The following CLCA4 variants were observed in gnomAD, a reference collection of about 807,000 sequenced individuals.
CLCA4 encodes calcium-activated chloride channel regulator 4.
In CLCA4, 69 loss-of-function variants were observed where a neutral mutation model predicts 78.9. The ratio of observed to expected loss-of-function variants is 0.87; its 90% confidence interval spans 0.72 to 1.07. CLCA4 has a LOEUF of 1.07. CLCA4 is among the 50% of genes least tolerant of loss of function. The probability of loss-of-function intolerance (pLI) is 0.00; values close to 1 mark genes in which losing one functional copy is unlikely to be tolerated. For synonymous variants in CLCA4, 362 were observed against 375.8 expected (o/e 0.96, Z 0.42); for missense variants, 1,133 against 1,095.8 (o/e 1.03, Z -0.48).
intron 5 of CLCA4, 113 bp from the exon 6 acceptor site, chr1:86,565,689 T>C: frequency 1.5e-6 from 1 of 678,508 alleles, no homozygotes; most frequent in Non-Finnish European, 2.3e-6. Flanking sequence ...GTAAATGATA[T>C]TTCATTCAAC....
intron 8 of CLCA4, 88 bp from the exon 9 acceptor site, chr1:86,572,526 A>AT: frequency 1.3e-6 from 1 of 771,514 alleles, no homozygotes; most frequent in East Asian, 2.6e-5. Context: ...TGAAACTATG[A>AT]TTTTGTTTTA....
chr1:86,569,805 C>T (rs944602410), intron 7 of CLCA4, among the ~76,000 whole-genome samples: 26 of 151,958 alleles, frequency 1.7e-4, no homozygotes, highest in South Asian at 6.2e-4. Context: ...AAAATTGAAC[C>T]CAATTATTTA....
chr1:86,579,913 C>G (rs1326237700), intron 13 of CLCA4, 29 bp from the exon 14 acceptor site: 15 of 1,437,992 alleles, frequency 1.0e-5, no homozygotes, highest in South Asian at 1.3e-5. Context: ...GCTGCAGTCT[C>G]TAAACTACAT....
chr1:86,550,083 C>T lies in CLCA4; in HGVS notation c.159+2805C>T, dbSNP rs1230695738. Among the ~76,000 whole-genome samples the T allele has an allele frequency of 3.3e-5, 5 of 152,294 alleles. No homozygotes were observed. In the South Asian group the frequency reaches 8.3e-4, roughly 25 times the overall value. On this transcript the variant is annotated intron_variant, in intron 1 of 13. Coordinates refer to ENST00000370563, the MANE Select transcript of CLCA4 (RefSeq NM_012128.4). ...TTCTTTATATTTAATTTCTCCACTA[C>T]TGTGTTCTGCTGCTTATGGTTGGAC...
rs1256628866 is a variant in CLCA4, at chr1:86,560,018, G to T, written c.246G>T (p.Glu82Asp). 9 of 1,608,634 alleles carry T rather than the reference G, an allele frequency of 5.6e-6. No homozygotes were observed. The South Asian group carries it at 8.9e-5, about 16-fold the overall frequency. Residue 82 changes from glutamate to aspartate, a missense_variant, in exon 2 of 14, where the codon GAG becomes GAT. Coordinates refer to ENST00000370563, the MANE Select transcript of CLCA4 (RefSeq NM_012128.4). ...FFKNVSILIP[E>D]NWKENPQYKR... ...AAAATGTATCTATATTAATTCCTGAGAATTGGAAGGAAAATCCTCAGTACA... is the reference window on the plus strand; with the variant it reads ...AAAATGTATCTATATTAATTCCTGATAATTGGAAGGAAAATCCTCAGTACA...
chr1:86,579,311 C>A (rs1650630652), intron 12 of CLCA4, 43 bp from the exon 13 acceptor site: 2 of 1,341,592 alleles, frequency 1.5e-6, no homozygotes, highest in African/African-American at 1.4e-5. Context: ...ATAATAAATA[C>A]CAGTAGTTTT....
chr1:86,575,776 T>C (rs1253849122), intron 11 of CLCA4, among the ~76,000 whole-genome samples, 177 bp downstream of exon 11: 2 of 152,032 alleles, frequency 1.3e-5, no homozygotes, highest in East Asian at 3.9e-4. Flanking sequence ...AGCAAATGTC[T>C]TGCATGTGGT....
intron 1 of CLCA4, chr1:86,553,230 A>G: frequency 9.1e-7 from 1 of 1,095,010 alleles, no homozygotes; most frequent in South Asian, 1.3e-5. Flanking sequence ...GGACATGTCC[A>G]AGAGGGACTG....
At chr1:86,555,727 G>C (rs6679877) in intron 1 of CLCA4, among the ~76,000 whole-genome samples, 123,918 of 152,124 alleles carry the variant, frequency 0.81, 50,907 homozygotes, top group East Asian at 0.94. Context: ...TTTTCTAGTG[G>C]TGTGAAAAAT....
intron 7 of CLCA4, among the ~76,000 whole-genome samples, chr1:86,568,239 T>C (rs1650256292): frequency 6.6e-6 from 1 of 151,646 alleles, no homozygotes; most frequent in African/African-American, 2.4e-5. Flanking sequence ...GACTTACCTA[T>C]ACAATATAGG....
At position 86,567,607 on chromosome 1, in the gene CLCA4, C is replaced by T; in HGVS notation, c.1138C>T (p.Leu380=). 1 of 1,612,838 alleles carries T rather than the reference C, an allele frequency of 6.2e-7. No individual in the cohort carries two copies. Among genetic ancestry groups the T allele is most frequent in the Non-Finnish European group, 8.5e-7 (1 of 1,179,194 alleles). The change falls in exon 7 of 14, where the codon CTG becomes TTG. Residue 380 remains leucine (L), a synonymous_variant. Transcript: ENST00000370563. The part of the protein sequence containing the change: ...TLMAGLPTYP[L]GGTSICSGIK... ...CATGGCAGGATTACCTACATATCCT[C>T]TGGGAGGAACTTCCATCTGCTCTGG...
In CLCA4 at chr1:86,578,097, T is replaced by TC. The variant is rs778118399; in HGVS notation, c.2122+27dup. On this transcript the variant is annotated intron_variant, in intron 12 of 13. Transcript: ENST00000370563. Reference sequence around the variant, plus strand: ...GGTGAGTAACTCATGATATTTATAATCCAGTGATAGTTTGAACAATATTAG... The same window carrying TC: ...GGTGAGTAACTCATGATATTTATAATCCCAGTGATAGTTTGAACAATATTAG... 2.5e-6 allele frequency: 4 copies of TC among 1,589,926 alleles called. No homozygotes were observed. In the Admixed American group the frequency reaches 7.0e-5, roughly 28 times the overall value.
rs139650697 is a variant in CLCA4, at chr1:86,560,120, C to T, written c.300+48C>T. 48 of 1,551,188 alleles carry T rather than the reference C, an allele frequency of 3.1e-5. No individual in the cohort carries two copies. In the African/African-American group the frequency reaches 6.1e-4, roughly 20 times the overall value. On this transcript the variant is annotated intron_variant, in intron 2 of 13. Coordinates refer to ENST00000370563, the MANE Select transcript of CLCA4 (RefSeq NM_012128.4). ...AAAAAATTATATTTTCTGATATTAA[C>T]CATTTTTGCCACAAATTATTTAAGA...
chr1:86,573,309 A>G, intron 9 of CLCA4, among the ~76,000 whole-genome samples: 1 of 151,890 alleles, frequency 6.6e-6, no homozygotes, highest in Non-Finnish European at 1.5e-5. Flanking sequence ...GGGTCTTGAT[A>G]GCACCACCAT....
chr1:86,555,551 T>G (rs1283761127), intron 1 of CLCA4, among the ~76,000 whole-genome samples: 1 of 152,152 alleles, frequency 6.6e-6, no homozygotes, highest in African/African-American at 2.4e-5. Context: ...TGTGTTCTGT[T>G]GGTCTAGGCC....
At chr1:86,558,596 G>A (rs1159704504) in intron 1 of CLCA4, among the ~76,000 whole-genome samples, 3 of 152,100 alleles carry the variant, frequency 2.0e-5, no homozygotes, top group Non-Finnish European at 4.4e-5. Flanking sequence ...ATGGCAGGGA[G>A]GCCTCAGGAA....
rs2231580 is a variant in CLCA4, at chr1:86,547,246, C to T, written c.127C>T (p.Pro43Ser). 10,817 of 1,591,064 alleles carry T rather than the reference C, an allele frequency of 6.8e-3. 647 individuals carry two copies. In the African/African-American group the frequency reaches 0.13, roughly 19 times the overall value. Residue 43 changes from proline to serine, a missense_variant, in exon 1 of 14, where the codon CCA (proline) becomes TCA (serine). By Grantham distance (74) the Pro-to-Ser change is moderately conservative (BLOSUM62 -1). Coordinates refer to ENST00000370563, the MANE Select transcript of CLCA4 (RefSeq NM_012128.4). ...DIVIVIDPSV[P>S]EDEKIIEQIE... Reference sequence around the variant, plus strand: ...TGTCATTGTTATAGATCCTAGTGTGCCAGAAGATGAAAAAATAATTGAACA... The same window carrying T: ...TGTCATTGTTATAGATCCTAGTGTGTCAGAAGATGAAAAAATAATTGAACA...
intron 1 of CLCA4, among the ~76,000 whole-genome samples, chr1:86,556,518 C>T (rs1406409989): frequency 6.6e-6 from 1 of 152,088 alleles, no homozygotes; most frequent in Non-Finnish European, 1.5e-5. Context: ...ATCAATCTTG[C>T]GTCCTGGAGA....
Position 86,563,665 on chromosome 1 carries a change from A to G in CLCA4, c.453A>G (p.Lys151=). The stretch of plus-strand genomic sequence containing the variant: ...ATTTGAAATGCTTTCCCACAGGCAA[A>G]CTGTTTGTCCATGAGTGGGCTCACC... The part of the protein sequence containing the change: ...KKQNEYGPPG[K]LFVHEWAHLR... The change falls in exon 4 of 14, where the codon AAA becomes AAG. Residue 151 remains lysine, a synonymous_variant. Coordinates refer to ENST00000370563, the MANE Select transcript of CLCA4 (RefSeq NM_012128.4). The G allele has an allele frequency of 6.4e-7, 1 of 1,557,950 alleles. No individual in the cohort carries two copies. Among genetic ancestry groups the G allele is most frequent in the South Asian group, 1.2e-5 (1 of 81,608 alleles).
Sources: gnomAD v4.1 joint callset for allele counts (sites outside exome capture counted in the v4.1 genomes callset) on GRCh38, gnomAD v4.1.1 for gene constraint, MANE v1.5 for transcripts, NCBI Gene and HGNC (gene_info 2026-07-23, HGNC 2026-07-21) for gene names.